The following GPC6 variants were observed in gnomAD, a reference collection of about 807,000 sequenced individuals.
GPC6 encodes glypican-6.
Under a neutral mutation model 55.2 loss-of-function variants are expected in GPC6, and 14 were observed. That is an observed-to-expected ratio of 0.25 (90% CI 0.17 to 0.40). The LOEUF (loss-of-function observed/expected upper bound fraction) is 0.40. Ranked by LOEUF, GPC6 falls within the 10% of genes least tolerant of loss-of-function variation. The pLI is 1.00. For synonymous variants in GPC6, 278 were observed against 259.6 expected (o/e 1.07, Z -0.68); for missense variants, 641 against 708.5 (o/e 0.90, Z 1.08).
chr13:94,120,527 T>G (rs962201530), intron 4 of GPC6, among the ~76,000 whole-genome samples: 1 of 151,938 alleles, frequency 6.6e-6, no homozygotes, highest in Non-Finnish European at 1.5e-5. Flanking sequence ...ACATATGGTT[T>G]CTTTTTTTTT....
chr13:93,704,268 G>C (rs907575551), intron 2 of GPC6, among the ~76,000 whole-genome samples: 1 of 151,758 alleles, frequency 6.6e-6, no homozygotes, highest in Admixed American at 6.6e-5. Flanking sequence ...ACCAGCTATG[G>C]AAAATAAGCC....
At chr13:93,615,453 A>G (rs970197515) in intron 2 of GPC6, among the ~76,000 whole-genome samples, 11 of 152,088 alleles carry the variant, frequency 7.2e-5, no homozygotes, top group African/African-American at 2.7e-4. Context: ...GAAAAAGGTA[A>G]CTGATGCCAG....
chr13:93,424,037 G>A (rs1031926650), intron 1 of GPC6, among the ~76,000 whole-genome samples: 5 of 152,114 alleles, frequency 3.3e-5, no homozygotes, highest in Non-Finnish European at 7.4e-5. Flanking sequence ...TAGCTGTGCC[G>A]CTTCTTTTTT....
intron 4 of GPC6, among the ~76,000 whole-genome samples, chr13:94,062,234 T>G (rs935667066): frequency 1.4e-5 from 2 of 142,152 alleles, no homozygotes; most frequent in African/African-American, 6.0e-5. Flanking sequence ...TACATTTCTG[T>G]TTTTTTTGTT....
At chr13:93,413,228 C>G (rs947406762) in intron 1 of GPC6, among the ~76,000 whole-genome samples, 4 of 152,146 alleles carry the variant, frequency 2.6e-5, no homozygotes, top group African/African-American at 4.8e-5. Context: ...TATGGTGTCT[C>G]TAGCAGATGG....
intron 1 of GPC6, among the ~76,000 whole-genome samples, chr13:93,319,729 A>G (rs1027920538): frequency 2.0e-5 from 3 of 152,180 alleles, no homozygotes; most frequent in Admixed American, 1.3e-4. Context: ...TGCTGAGTGC[A>G]TTGCCAAATT....
intron 6 of GPC6, among the ~76,000 whole-genome samples, chr13:94,311,178 T>C (rs1360177695): frequency 1.3e-5 from 2 of 152,094 alleles, no homozygotes; most frequent in Non-Finnish European, 2.9e-5. Flanking sequence ...TAATCAGTTA[T>C]CTAATCTGGT....
intron 2 of GPC6, among the ~76,000 whole-genome samples, chr13:93,620,976 T>G (rs573428053): frequency 1.2e-4 from 19 of 152,314 alleles, no homozygotes; most frequent in African/African-American, 4.3e-4. Context: ...AATGAGTGTT[T>G]ATTGAATAGC....
In GPC6 at chr13:94,315,415, G is replaced by A. The variant is rs113497673; in HGVS notation, c.1152+9292G>A. Among the ~76,000 whole-genome samples, 739 of 152,302 alleles carry A rather than the reference G, an allele frequency of 4.9e-3. 8 individuals carry two copies. The highest frequency in any genetic ancestry group is 0.017 in the African/African-American group (687 of 41,554). On this transcript the variant is annotated intron_variant, in intron 6 of 8. Transcript: ENST00000377047. ...CATCACCCTTACTCCAGCATCCGGG[G>A]TGACAGAGCAGCCATTATCTGGAGG... is the stretch of plus-strand genomic sequence containing the variant.
At chr13:93,889,346 G>A (rs775850880) in intron 3 of GPC6, among the ~76,000 whole-genome samples, 5 of 151,974 alleles carry the variant, frequency 3.3e-5, no homozygotes, top group East Asian at 3.9e-4. Context: ...GGCTTATAAC[G>A]CATTATTTTG....
chr13:94,230,106 GT>G (rs1566569952), intron 4 of GPC6, among the ~76,000 whole-genome samples: 2 of 152,138 alleles, frequency 1.3e-5, no homozygotes, highest in African/African-American at 2.4e-5. Context: ...CTGAACCTCC[GT>G]TTTTTTAATG....
chr13:93,821,783 G>C (rs556202358), intron 2 of GPC6, among the ~76,000 whole-genome samples: 2 of 152,032 alleles, frequency 1.3e-5, no homozygotes, highest in East Asian at 1.9e-4. Flanking sequence ...CAAAGTCAGG[G>C]CCCCCCTGTC....
intron 2 of GPC6, among the ~76,000 whole-genome samples, chr13:93,732,858 A>T (rs531740928): frequency 2.0e-4 from 31 of 152,158 alleles, no homozygotes; most frequent in South Asian, 6.2e-4. Flanking sequence ...CGATTAAACT[A>T]ATCTATATAT....
At chr13:93,330,036 A>G (rs1316949775) in intron 1 of GPC6, among the ~76,000 whole-genome samples, 6 of 152,226 alleles carry the variant, frequency 3.9e-5, no homozygotes, top group Non-Finnish European at 8.8e-5. Context: ...TTGAACAAGA[A>G]TAAAGACCAA....
At chr13:93,999,983 A>T (rs974347051) in intron 3 of GPC6, among the ~76,000 whole-genome samples, 1 of 152,214 alleles carries the variant, frequency 6.6e-6, no homozygotes. Flanking sequence ...ATTCCAATTT[A>T]TACTTGGTTC....
At chr13:93,766,141 G>T (rs552497132) in intron 2 of GPC6, among the ~76,000 whole-genome samples, 3 of 152,110 alleles carry the variant, frequency 2.0e-5, no homozygotes, top group African/African-American at 7.2e-5. Flanking sequence ...ACAGATTTCT[G>T]TTCCTATTCA....
chr13:94,065,314 T>C (rs1344924496), intron 4 of GPC6, among the ~76,000 whole-genome samples: 3 of 152,180 alleles, frequency 2.0e-5, no homozygotes, highest in African/African-American at 7.2e-5. Context: ...GAGTTAAAAA[T>C]GAATGCTAGG....
chr13:93,446,477 G>T (rs1298533691), intron 1 of GPC6, among the ~76,000 whole-genome samples: 1 of 144,544 alleles, frequency 6.9e-6, no homozygotes, highest in East Asian at 1.9e-4. Flanking sequence ...CATCAATTTA[G>T]CTAGAATAGG....
chr13:93,234,151 C>T (rs1246251555), intron 1 of GPC6, among the ~76,000 whole-genome samples: 7 of 152,160 alleles, frequency 4.6e-5, no homozygotes, highest in Non-Finnish European at 1.0e-4. Flanking sequence ...GGCTGTCTAC[C>T]CTGTTGCTGA....
Sources: allele counts gnomAD v4.1 joint callset (sites outside exome capture counted in the v4.1 genomes callset), GRCh38; gene constraint gnomAD v4.1.1; transcripts MANE v1.5; gene names NCBI Gene and HGNC (gene_info 2026-07-23, HGNC 2026-07-21).